FRMPD2: variants seen among roughly 807,000 people sequenced by gnomAD.
FRMPD2 encodes the protein FERM and PDZ domain containing 2.
Under a neutral mutation model 140.1 loss-of-function variants are expected in FRMPD2, and 96 were observed. That is an observed-to-expected ratio of 0.69 (90% confidence interval 0.58 to 0.81). The LOEUF (loss-of-function observed/expected upper bound fraction) is 0.81. FRMPD2 is among the 40% of genes least tolerant of loss of function. FRMPD2 has a pLI of 0.00. For missense variants in FRMPD2, 1,240 were observed against 1,447.4 expected (o/e 0.86, Z 2.32); for synonymous variants, 449 against 547.6 (o/e 0.82, Z 2.52).
At chr10:48,165,091 C>A (rs1308281837) in intron 27 of FRMPD2, among the ~76,000 whole-genome samples, 1 of 96,440 alleles carries the variant, frequency 1.0e-5, no homozygotes. Flanking sequence ...TGCTTCTGAG[C>A]CTCTGACTAG....
intron 1 of FRMPD2, among the ~76,000 whole-genome samples, chr10:48,256,089 G>A (rs1840482216): frequency 6.6e-6 from 1 of 152,224 alleles, no homozygotes; most frequent in South Asian, 2.1e-4. Context: ...GCCTGTGGCT[G>A]AGTATTAACT....
At chr10:48,208,580 A>G (rs1489338641) in intron 13 of FRMPD2, among the ~76,000 whole-genome samples, 2 of 152,224 alleles carry the variant, frequency 1.3e-5, no homozygotes, top group African/African-American at 4.8e-5. Flanking sequence ...ACTCTTAACA[A>G]CTGAAATACA....
intron 12 of FRMPD2, among the ~76,000 whole-genome samples, chr10:48,214,662 G>C (rs75432673): frequency 0.031 from 4,706 of 152,228 alleles, 99 homozygotes; most frequent in Non-Finnish European, 0.042. Flanking sequence ...CTTCTGGTAG[G>C]AATATATCCA....
chr10:48,237,903 C>CCATTTTCAGCCTAGAAAATGG, intron 8 of FRMPD2, 88 bp downstream of exon 8: 1 of 1,496,080 alleles, frequency 6.7e-7, no homozygotes, highest in South Asian at 1.1e-5. Flanking sequence ...CCTAGAAGAC[C>CCATTTTCAGCCTAGAAAATGG]CTGCCCATTT....
At position 48,261,387 on chromosome 10, in the gene FRMPD2, C is replaced by CA. The variant is rs932252048; in HGVS notation, c.26-9697dup. Among the ~76,000 whole-genome samples the CA allele has an allele frequency of 3.5e-4, 52 of 149,902 alleles. No individual in the cohort carries two copies. In the South Asian group the frequency reaches 4.0e-3, roughly 12 times the overall value. On this transcript the variant is annotated intron_variant, in intron 1 of 28. Transcript: ENST00000374201. Reference sequence around the variant, plus strand: ...ATAATGGTAAATTAATATTCCCCAGCAAAAAAAAGTGAGAGAGAGAGAAAT... The same window carrying CA: ...ATAATGGTAAATTAATATTCCCCAGCAAAAAAAAAGTGAGAGAGAGAGAAAT...
At chr10:48,254,950 A>C (rs566023477) in intron 1 of FRMPD2, among the ~76,000 whole-genome samples, 1 of 152,240 alleles carries the variant, frequency 6.6e-6, no homozygotes, top group South Asian at 2.1e-4. Flanking sequence ...GCTCCTCTCC[A>C]AGTTTTTCAT....
At chr10:48,158,224 G>A (rs1837839197) in intron 28 of FRMPD2, among the ~76,000 whole-genome samples, 1 of 149,178 alleles carries the variant, frequency 6.7e-6, no homozygotes, top group African/African-American at 2.5e-5. Flanking sequence ...ACTTGTCCAG[G>A]GGGACTTGGT....
rs560016997 is a variant in FRMPD2, at chr10:48,261,896, G to A, written c.26-10205C>T. Among the ~76,000 whole-genome samples the A allele has an allele frequency of 2.6e-5, 4 of 152,204 alleles. No homozygotes were observed. In the East Asian group the frequency reaches 7.7e-4, roughly 29 times the overall value. ...ACTACACATGAGCTATTTGAAAGTG[G>A]ATTTAAATTTGTTGTAAATGTATAC... On this transcript the variant is annotated intron_variant, in intron 1 of 28. Transcript: ENST00000374201.
intron 13 of FRMPD2, among the ~76,000 whole-genome samples, chr10:48,210,894 TCTC>T (rs1164327508): frequency 6.6e-6 from 1 of 152,148 alleles, no homozygotes. Context: ...AATACACAAA[TCTC>T]CTAACTTCCT....
At chr10:48,187,700 T>C (rs1282773091) in intron 16 of FRMPD2, among the ~76,000 whole-genome samples, 1 of 152,230 alleles carries the variant, frequency 6.6e-6, no homozygotes, top group African/African-American at 2.4e-5. Flanking sequence ...TCTTAGTGGA[T>C]ACTGATGTTT....
chr10:48,231,479 CA>C, intron 10 of FRMPD2, among the ~76,000 whole-genome samples: 1 of 152,290 alleles, frequency 6.6e-6, no homozygotes, highest in Non-Finnish European at 1.5e-5. Context: ...CCCTTGGAAC[CA>C]ATCACCTTTT....
chr10:48,239,494 T>C, intron 7 of FRMPD2, 111 bp downstream of exon 7: 1 of 698,738 alleles, frequency 1.4e-6, no homozygotes, highest in South Asian at 2.2e-5. Flanking sequence ...TGGCATTTTC[T>C]GGAGGAGCAA....
chr10:48,211,434 G>A (rs548449311), intron 13 of FRMPD2, among the ~76,000 whole-genome samples: 5 of 152,260 alleles, frequency 3.3e-5, no homozygotes, highest in Middle Eastern at 3.4e-3. Flanking sequence ...GTTGTCCTAT[G>A]TGTCAACTAT....
rs1403051241 is a variant in FRMPD2, at chr10:48,178,247, A to G, written c.2791-96T>C. ...TCAGGAGCAGGCAGCATTGCACCTC[A>G]GAAAGATCATGAGCTTTGGATTGGG... On this transcript the variant is annotated intron_variant, in intron 21 of 28. Transcript: ENST00000374201. 5 of 875,106 alleles carry G rather than the reference A, an allele frequency of 5.7e-6. No homozygotes were observed. In the East Asian group the frequency reaches 1.3e-4, roughly 23 times the overall value. 54.2% of individuals were successfully genotyped at this position (875,106 alleles called of 1,614,324 possible). A position where few individuals can be genotyped will look rare whatever the true frequency, so the allele number is the denominator to read the frequency against.
At chr10:48,179,581 C>T (rs1337943327) in intron 21 of FRMPD2, among the ~76,000 whole-genome samples, 1 of 151,502 alleles carries the variant, frequency 6.6e-6, no homozygotes. Context: ...CATAAGAAGG[C>T]TCACATGTCA....
chr10:48,209,559 A>T lies in FRMPD2; in HGVS notation c.1611+2395T>A, dbSNP rs148969706. 5.7e-3 allele frequency among the ~76,000 whole-genome samples: 872 copies of T among 152,336 alleles called. 8 individuals carry two copies. Among genetic ancestry groups the T allele is most frequent in the African/African-American group, 0.02 (826 of 41,562 alleles). ...AAAACAAGAGCCATGAGGAGCTATA[A>T]TTAAATAATCCAGTGATTGCTTGTA... is the stretch of plus-strand genomic sequence containing the variant. On this transcript the variant is annotated intron_variant, in intron 13 of 28. Coordinates refer to ENST00000374201, the MANE Select transcript of FRMPD2 (RefSeq NM_001018071.4).
At chr10:48,224,432 T>C (rs12256625) in intron 10 of FRMPD2, among the ~76,000 whole-genome samples, 47,254 of 152,052 alleles carry the variant, frequency 0.31, 9,326 homozygotes, top group African/African-American at 0.56. Context: ...AACCTCTTCT[T>C]CCAATGCCTA....
chr10:48,254,239 C>A (rs943342178), intron 1 of FRMPD2, among the ~76,000 whole-genome samples: 1 of 152,190 alleles, frequency 6.6e-6, no homozygotes, highest in Non-Finnish European at 1.5e-5. Context: ...TGCAGGAAGC[C>A]TGGGAACCAT....
At chr10:48,237,744 G>C (rs1840002589) in intron 8 of FRMPD2, among the ~76,000 whole-genome samples, 3 of 152,048 alleles carry the variant, frequency 2.0e-5, no homozygotes, top group Admixed American at 2.0e-4. Flanking sequence ...TCTAGGGTGG[G>C]ACCCAGCATC....
Sources: allele counts gnomAD v4.1 joint callset (sites outside exome capture counted in the v4.1 genomes callset), GRCh38; gene constraint gnomAD v4.1.1; transcripts MANE v1.5; gene names NCBI Gene and HGNC (gene_info 2026-07-23, HGNC 2026-07-21).